Variants in RYR2 observed in about 807,000 individuals in gnomAD.
RYR2 encodes the protein ryanodine receptor 2.
A neutral mutation model predicts 601.1 loss-of-function variants in RYR2; 227 were observed. The observed-to-expected ratio is 0.38, with a 90% CI of 0.34 to 0.42. The LOEUF (loss-of-function observed/expected upper bound fraction) is 0.42, where lower values mean the gene tolerates loss of function less well. Among genes scored for constraint, RYR2 ranks in the 10% least tolerant of loss-of-function variants. The pLI is 1.00. For missense variants in RYR2, 4,646 were observed against 6,156.5 expected (o/e 0.75, Z 8.21); for synonymous variants, 2,223 against 2,175.1 (o/e 1.02, Z -0.61).
At chr1:237,228,579 C>T (rs12407646) in intron 1 of RYR2, among the ~76,000 whole-genome samples, 47,195 of 152,008 alleles carry the variant, frequency 0.31, 8,215 homozygotes, top group Admixed American at 0.4. Context: ...CTATGCACAA[C>T]ACTAAAGATT....
intron 1 of RYR2, among the ~76,000 whole-genome samples, chr1:237,139,824 C>G (rs1673183941): frequency 6.6e-6 from 1 of 152,216 alleles, no homozygotes; most frequent in Non-Finnish European, 1.5e-5. Flanking sequence ...AATAATTTGA[C>G]AGACTCTATG....
At chr1:237,621,610 T>C (rs1679085219) in intron 38 of RYR2, among the ~76,000 whole-genome samples, 1 of 152,190 alleles carries the variant, frequency 6.6e-6, no homozygotes, top group African/African-American at 2.4e-5. Flanking sequence ...ATGGGATTTT[T>C]TTCTTCTCAC....
At chr1:237,288,629 G>A (rs778358043) in intron 2 of RYR2, among the ~76,000 whole-genome samples, 4 of 152,076 alleles carry the variant, frequency 2.6e-5, no homozygotes, top group Non-Finnish European at 5.9e-5. Context: ...CAGCTCCCAC[G>A]CAAACAGAAG....
intron 99 of RYR2, among the ~76,000 whole-genome samples, chr1:237,807,580 G>A (rs960933194): frequency 6.6e-6 from 1 of 152,098 alleles, no homozygotes; most frequent in African/African-American, 2.4e-5. Context: ...TCGAACTTCT[G>A]ACCTCAGGTG....
At chr1:237,675,054 A>G (rs1301973444) in intron 60 of RYR2, among the ~76,000 whole-genome samples, 1 of 152,136 alleles carries the variant, frequency 6.6e-6, no homozygotes, top group African/African-American at 2.4e-5. Flanking sequence ...AAAATCTAAC[A>G]TATAAGTTAT....
chr1:237,155,166 AT>A (rs542817762), intron 1 of RYR2, among the ~76,000 whole-genome samples: 1 of 128,686 alleles, frequency 7.8e-6, no homozygotes, highest in Non-Finnish European at 1.6e-5. Flanking sequence ...GTATATATAT[AT>A]TTTTTTCTTT....
chr1:237,271,519 G>A (rs1030745365), intron 2 of RYR2, among the ~76,000 whole-genome samples: 1 of 152,020 alleles, frequency 6.6e-6, no homozygotes, highest in African/African-American at 2.4e-5. Context: ...AGAAGTTGAG[G>A]TTTTGCTTTT....
chr1:237,384,977 C>T (rs1701848357), intron 8 of RYR2, among the ~76,000 whole-genome samples: 1 of 152,058 alleles, frequency 6.6e-6, no homozygotes, highest in South Asian at 2.1e-4. Flanking sequence ...GCAAGCTCTG[C>T]CTCCCGGGTT....
chr1:237,792,436 G>C (rs1053739980), intron 94 of RYR2, 113 bp downstream of exon 94: 1 of 597,444 alleles, frequency 1.7e-6, no homozygotes, highest in Non-Finnish European at 2.6e-6. Flanking sequence ...TTGCAGGCTG[G>C]ACTTCTGGGG....
intron 1 of RYR2, among the ~76,000 whole-genome samples, chr1:237,262,469 C>G (rs1372027941): frequency 1.3e-5 from 2 of 151,816 alleles, no homozygotes; most frequent in Non-Finnish European, 2.9e-5. Flanking sequence ...GTTGGCCAGG[C>G]TGGTCCCAAA....
chr1:237,493,093 T>C lies in RYR2; in HGVS notation c.1961+6T>C. On this transcript the variant is annotated splice_donor_region_variant and intron_variant, in intron 19 of 104. Transcript: ENST00000366574. ...CTTGTGAACCATGTCAGCAGGTAAA[T>C]TCAGACAGACAATGTCACCTGACAG... The C allele has an allele frequency of 1.9e-6, 3 of 1,613,502 alleles. No homozygotes were observed. Among genetic ancestry groups the C allele is most frequent in the Non-Finnish European group, 2.5e-6 (3 of 1,179,738 alleles).
At chr1:237,690,006 G>A (rs759457845) in intron 63 of RYR2, among the ~76,000 whole-genome samples, 8 of 151,870 alleles carry the variant, frequency 5.3e-5, no homozygotes, top group Non-Finnish European at 1.0e-4. Context: ...CACCACACAC[G>A]GCTAATTTTT....
At chr1:237,304,908 G>C (rs1302002336) in intron 2 of RYR2, among the ~76,000 whole-genome samples, 1 of 152,142 alleles carries the variant, frequency 6.6e-6, no homozygotes, top group Non-Finnish European at 1.5e-5. Flanking sequence ...AAAAATGACA[G>C]ATGCATTTCA....
chr1:237,713,876 A>G (rs1267169136), intron 71 of RYR2, among the ~76,000 whole-genome samples: 1 of 151,966 alleles, frequency 6.6e-6, no homozygotes, highest in Non-Finnish European at 1.5e-5. Context: ...CAGGCCTTGG[A>G]CATTTAAAGC....
chr1:237,423,616 A>G (rs1483816673), intron 12 of RYR2, among the ~76,000 whole-genome samples: 1 of 142,608 alleles, frequency 7.0e-6, no homozygotes, highest in African/African-American at 2.7e-5. Context: ...TACAGTTCTT[A>G]AAACACATCC....
intron 22 of RYR2, among the ~76,000 whole-genome samples, chr1:237,504,237 G>A (rs959066219): frequency 3.9e-5 from 6 of 152,178 alleles, no homozygotes; most frequent in African/African-American, 1.2e-4. Context: ...TAATCACCTG[G>A]GTGCAGGCGG....
intron 17 of RYR2, among the ~76,000 whole-genome samples, chr1:237,487,626 G>A (rs143796990): frequency 1.2e-4 from 18 of 150,744 alleles, no homozygotes; most frequent in African/African-American, 2.2e-4. Context: ...AGGAGGCTAC[G>A]GGAGGCTAAG....
chr1:237,724,831 G>C (rs1360901057), intron 74 of RYR2, among the ~76,000 whole-genome samples: 2 of 151,928 alleles, frequency 1.3e-5, no homozygotes, highest in African/African-American at 4.8e-5. Flanking sequence ...ATATAGATTT[G>C]CTTGAATAAA....
chr1:237,305,274 C>T (rs189097722), intron 2 of RYR2, among the ~76,000 whole-genome samples: 16 of 152,270 alleles, frequency 1.1e-4, no homozygotes, highest in African/African-American at 3.6e-4. Flanking sequence ...AGTCATGCAG[C>T]GGATGACTCT....
Sources: gnomAD v4.1 joint callset for allele counts (sites outside exome capture counted in the v4.1 genomes callset) on GRCh38, gnomAD v4.1.1 for gene constraint, MANE v1.5 for transcripts, NCBI Gene and HGNC (gene_info 2026-07-23, HGNC 2026-07-21) for gene names.